Variants in RFTN1 observed in about 807,000 individuals in gnomAD.
The protein encoded by RFTN1 is raftlin, lipid raft linker 1.
A neutral mutation model predicts 46.5 loss-of-function variants in RFTN1; 26 were observed. The ratio of observed to expected loss-of-function variants is 0.56; its 90% CI spans 0.41 to 0.78. The LOEUF is 0.78. RFTN1 is among the 30% of genes least tolerant of loss of function. The pLI is 0.00. For missense variants in RFTN1, 693 were observed against 718.7 expected, an observed-to-expected ratio of 0.96 and a Z score of 0.41; for synonymous variants, 261 against 284.2, an observed-to-expected ratio of 0.92 and a Z score of 0.82.
intron 4 of RFTN1, among the ~76,000 whole-genome samples, chr3:16,395,685 G>A (rs574366528): frequency 6.6e-6 from 1 of 152,146 alleles, no homozygotes; most frequent in Non-Finnish European, 1.5e-5. Context: ...CTGGCCTTAA[G>A]CAATCCTCCT....
In RFTN1 at chr3:16,342,917, G is replaced by A. The variant is rs1054679496; in HGVS notation, c.1146+15015C>T. Among the ~76,000 whole-genome samples the A allele has an allele frequency of 2.0e-5, 3 of 152,168 alleles. No homozygotes were observed. Among genetic ancestry groups the A allele is most frequent in the African/African-American group, 4.8e-5 (2 of 41,426 alleles). The stretch of plus-strand genomic sequence containing the variant: ...CTTTGAGTCTCGATCTCAGCTCACT[G>A]CAGCCTCAACCTCCCAGGCTCAAGT... On this transcript the variant is annotated intron_variant, in intron 7 of 9. Transcript: ENST00000334133. The surrounding 1 kb of genome is among the most constrained non-coding windows in gnomAD (Gnocchi z 4.0).
chr3:16,491,978 T>A (rs1009459702), intron 2 of RFTN1, among the ~76,000 whole-genome samples: 1 of 152,160 alleles, frequency 6.6e-6, no homozygotes, highest in African/African-American at 2.4e-5. Flanking sequence ...GCCAAATGCA[T>A]GACCAAATGC....
intron 6 of RFTN1, among the ~76,000 whole-genome samples, chr3:16,368,311 G>C (rs543734812): frequency 1.3e-5 from 2 of 152,194 alleles, no homozygotes; most frequent in Non-Finnish European, 2.9e-5. Context: ...GGGCTTCCTT[G>C]TGTAGAGGGA....
chr3:16,326,654 A>G (rs978121093), intron 8 of RFTN1, 119 bp downstream of exon 8: 2 of 741,104 alleles, frequency 2.7e-6, no homozygotes, highest in Non-Finnish European at 4.4e-6. Context: ...GAGAGTTTAC[A>G]TAACTACCAG....
In RFTN1 at chr3:16,334,536, G is replaced by A. The variant is rs2070665139; in HGVS notation, c.1147-7660C>T. ...GTGCTGGATTTGTATTTAACATTATGTTTCACCCAGACAACAGCTCAGAGA... is the reference window on the plus strand; with the variant it reads ...GTGCTGGATTTGTATTTAACATTATATTTCACCCAGACAACAGCTCAGAGA... On this transcript the variant is annotated intron_variant, in intron 7 of 9. Coordinates refer to ENST00000334133, the MANE Select transcript of RFTN1 (RefSeq NM_015150.2). The surrounding 1 kb of genome is among the most constrained non-coding windows in gnomAD (Gnocchi z 4.3). Among the ~76,000 whole-genome samples the A allele has an allele frequency of 6.6e-6, 1 of 152,178 alleles. No individual in the cohort carries two copies. The highest frequency in any genetic ancestry group is 6.5e-5 in the Admixed American group (1 of 15,268).
chr3:16,369,077 G>A (rs551916613), intron 6 of RFTN1, among the ~76,000 whole-genome samples: 7 of 152,326 alleles, frequency 4.6e-5, no homozygotes, highest in Admixed American at 1.3e-4. Context: ...ATAGAGACTC[G>A]CATCCAAAAT....
chr3:16,475,798 C>T lies in RFTN1; in HGVS notation c.145+17927G>A, dbSNP rs560859533. Among the ~76,000 whole-genome samples, 2 of 152,230 alleles carry T rather than the reference C, an allele frequency of 1.3e-5. No individual in the cohort carries two copies. Among genetic ancestry groups the T allele is most frequent in the South Asian group, 2.1e-4 (1 of 4,830 alleles). On this transcript the variant is annotated intron_variant, in intron 2 of 9. Transcript: ENST00000334133. This position sits in a 1 kb window ranked among gnomAD's most constrained non-coding sequence, Gnocchi z 4.2. ...GGCAAAAGCCAAGTCCCAGCAGTCA[C>T]GGTTTCCATATTGAAGCAATGTTAA...
At chr3:16,491,480 C>T (rs2076537633) in intron 2 of RFTN1, among the ~76,000 whole-genome samples, 1 of 152,254 alleles carries the variant, frequency 6.6e-6, no homozygotes, top group African/African-American at 2.4e-5. Context: ...CAGTGTTGTC[C>T]TAGCTCATTA....
rs1383113561 is a variant in RFTN1, at chr3:16,404,382, TATATA to T, written c.441+4988_441+4992del. 6.4e-4 allele frequency among the ~76,000 whole-genome samples: 16 copies of T among 25,046 alleles called. 4 individuals carry two copies. Among genetic ancestry groups the T allele is most frequent in the Admixed American group, 2.5e-3 (4 of 1,578 alleles). 16.4% of individuals were successfully genotyped at this position (25,046 alleles called of 152,430 possible). A position where few individuals can be genotyped will look rare whatever the true frequency, so the allele number is the denominator to read the frequency against. ...TATACACAATATATAATATATATAA[TATATA>T]ATATATATACAATATATAATATATA... On this transcript the variant is annotated intron_variant, in intron 4 of 9. Coordinates refer to ENST00000334133, the MANE Select transcript of RFTN1 (RefSeq NM_015150.2).
At position 16,351,803 on chromosome 3, in the gene RFTN1, A is replaced by C. The variant is rs1304439226; in HGVS notation, c.1146+6129T>G. On this transcript the variant is annotated intron_variant, in intron 7 of 9. Coordinates refer to ENST00000334133, the MANE Select transcript of RFTN1 (RefSeq NM_015150.2). This position sits in a 1 kb window ranked among gnomAD's most constrained non-coding sequence, Gnocchi z 5.4. Reference sequence around the variant, plus strand: ...AAACTAAGTTGAATTCCTTGAATAGACTCAGCAAAGAACAATCACTAAAAA... The same window carrying C: ...AAACTAAGTTGAATTCCTTGAATAGCCTCAGCAAAGAACAATCACTAAAAA... Among the ~76,000 whole-genome samples, 1 of 152,236 alleles carries C rather than the reference A, an allele frequency of 6.6e-6. No homozygotes were observed. The highest frequency in any genetic ancestry group is 1.5e-5 in the Non-Finnish European group (1 of 68,042).
intron 4 of RFTN1, among the ~76,000 whole-genome samples, chr3:16,393,324 A>G (rs1275739024): frequency 6.6e-6 from 1 of 152,178 alleles, no homozygotes; most frequent in African/African-American, 2.4e-5. Flanking sequence ...TAGATGCACC[A>G]TAGACATTAT....
rs149939395 is a variant in RFTN1, at chr3:16,424,941, C to CAA, written c.332+8908_332+8909dup. On this transcript the variant is annotated intron_variant, in intron 3 of 9. Transcript: ENST00000334133. This position sits in a 1 kb window ranked among gnomAD's most constrained non-coding sequence, Gnocchi z 4.7. ...TATCTTTTTCAGCTTGAAAAACACA[C>CAA]AAAAAAAATCTAAGTTACTTCTGAT... is the stretch of plus-strand genomic sequence containing the variant. Among the ~76,000 whole-genome samples the CAA allele has an allele frequency of 6.7e-6, 1 of 148,580 alleles. No homozygotes were observed. Among genetic ancestry groups the CAA allele is most frequent in the Non-Finnish European group, 1.5e-5 (1 of 66,392 alleles).
At position 16,320,200 on chromosome 3, in the gene RFTN1, A is replaced by C. The variant is rs2068888500; in HGVS notation, c.1333-2968T>G. On this transcript the variant is annotated intron_variant, in intron 9 of 9. Transcript: ENST00000334133. The surrounding 1 kb of genome is among the most constrained non-coding windows in gnomAD (Gnocchi z 4.5). ...GTTTAGCTGGAAGGAAGTCTTCCCG[A>C]GTTGTAGAAATCACCTACTCCCTTT... 6.6e-6 allele frequency among the ~76,000 whole-genome samples: 1 copy of C among 152,252 alleles called. No individual in the cohort carries two copies. The highest frequency in any genetic ancestry group is 6.5e-5 in the Admixed American group (1 of 15,292).
At chr3:16,325,701 A>T (rs1197895755) in intron 8 of RFTN1, among the ~76,000 whole-genome samples, 1 of 152,224 alleles carries the variant, frequency 6.6e-6, no homozygotes, top group Admixed American at 6.5e-5. Flanking sequence ...AAGTGGCCGC[A>T]GACTGGCTCC....
chr3:16,332,925 A>G (rs2070471738), intron 7 of RFTN1, among the ~76,000 whole-genome samples: 1 of 152,218 alleles, frequency 6.6e-6, no homozygotes, highest in South Asian at 2.1e-4. Flanking sequence ...ATTAGTGACT[A>G]TTGAACCATT....
At chr3:16,409,025 G>T (rs565750766) in intron 4 of RFTN1, among the ~76,000 whole-genome samples, 133 of 152,312 alleles carry the variant, frequency 8.7e-4, no homozygotes, top group Non-Finnish European at 1.7e-3. Context: ...GGGGGCTTGC[G>T]GCAATGAAGA....
At chr3:16,436,246 G>C (rs1315671544) in intron 2 of RFTN1, among the ~76,000 whole-genome samples, 2 of 150,420 alleles carry the variant, frequency 1.3e-5, no homozygotes, top group Non-Finnish European at 3.0e-5. Flanking sequence ...TTTTTCTATT[G>C]GTTTGTAAGA....
intron 2 of RFTN1, chr3:16,472,703 C>T (rs911708503): frequency 2.6e-5 from 4 of 152,256 alleles, no homozygotes; most frequent in Admixed American, 1.3e-4. Context: ...TCCAGGAGAA[C>T]GTGACTTCCT....
chr3:16,467,573 CA>C (rs1347365418), intron 2 of RFTN1, among the ~76,000 whole-genome samples: 21 of 152,024 alleles, frequency 1.4e-4, no homozygotes, highest in African/African-American at 4.6e-4. Context: ...AGAGAGTGGG[CA>C]GGGCCTGAGC....
Sources: allele counts gnomAD v4.1 joint callset (sites outside exome capture counted in the v4.1 genomes callset), GRCh38; gene constraint gnomAD v4.1.1; non-coding constraint Gnocchi (gnomAD v3.1); transcripts MANE v1.5; gene names NCBI Gene and HGNC (gene_info 2026-07-23, HGNC 2026-07-21).